Variants in FAM117B observed in about 807,000 individuals in gnomAD.
FAM117B encodes protein FAM117B.
A neutral mutation model predicts 52.8 loss-of-function variants in FAM117B; 22 were observed. The observed-to-expected ratio is 0.42, with a 90% CI of 0.30 to 0.59. The LOEUF (loss-of-function observed/expected upper bound fraction) is 0.59. FAM117B is among the 20% of genes least tolerant of loss of function. The pLI is 0.22. For synonymous variants in FAM117B, 309 were observed against 324.1 expected (o/e 0.95, Z 0.50); for missense variants, 678 against 802.6 (o/e 0.84, Z 1.88).
intron 1 of FAM117B, among the ~76,000 whole-genome samples, chr2:202,647,994 G>T (rs1574540059): frequency 1.3e-5 from 2 of 152,114 alleles, no homozygotes; most frequent in East Asian, 3.9e-4. Flanking sequence ...CTCTGTAATT[G>T]TATGGTTTAA....
chr2:202,750,485 C>G (rs1691705544), intron 4 of FAM117B, among the ~76,000 whole-genome samples: 1 of 152,172 alleles, frequency 6.6e-6, no homozygotes, highest in South Asian at 2.1e-4. Flanking sequence ...TGCACTCCAG[C>G]CTGGGCAACA....
At chr2:202,720,153 A>G (rs1374193421) in intron 2 of FAM117B, among the ~76,000 whole-genome samples, 2 of 152,152 alleles carry the variant, frequency 1.3e-5, no homozygotes, top group Admixed American at 6.5e-5. Flanking sequence ...AGTTATTACT[A>G]TAATAGTTCC....
rs1689748385 is a variant in FAM117B, at chr2:202,640,292, C to CT, written c.601+4504_601+4505insT. Among the ~76,000 whole-genome samples the CT allele has an allele frequency of 9.9e-5, 5 of 50,706 alleles. No homozygotes were observed. The Admixed American group carries it at 1.1e-3, about 11-fold the overall frequency. The allele number at this position is 50,706 out of a possible 152,430, so 33.3% of individuals were successfully genotyped here. On this transcript the variant is annotated intron_variant, in intron 1 of 7. Coordinates refer to ENST00000392238, the MANE Select transcript of FAM117B (RefSeq NM_173511.4). ...GTCACAACAACCACCACCACCACCA[C>CT]AAAATATATATATATATATATATAT...
intron 2 of FAM117B, among the ~76,000 whole-genome samples, chr2:202,724,031 T>G (rs1691195448): frequency 6.6e-6 from 1 of 150,828 alleles, no homozygotes; most frequent in Admixed American, 6.6e-5. Context: ...CTGGGTTTGG[T>G]ATAACTACTT....
chr2:202,640,148 A>G (rs1186203927), intron 1 of FAM117B, among the ~76,000 whole-genome samples: 4 of 150,910 alleles, frequency 2.7e-5, no homozygotes, highest in East Asian at 2.0e-4. Context: ...GCAGGCGCCT[A>G]TAATCCCAGC....
chr2:202,715,798 C>T (rs1048987578), intron 2 of FAM117B, among the ~76,000 whole-genome samples: 1 of 152,244 alleles, frequency 6.6e-6, no homozygotes, highest in African/African-American at 2.4e-5. Context: ...CACCATTGAG[C>T]ACTGAGTGAA....
intron 2 of FAM117B, among the ~76,000 whole-genome samples, chr2:202,699,426 C>CAAAAAAAAAAAAAAAAAAAAAAAAAA (rs751190825): frequency 1.1e-4 from 2 of 17,912 alleles, no homozygotes; most frequent in Non-Finnish European, 2.2e-4. Flanking sequence ...GACCCCATCT[C>CAAAAAAAAAAAAAAAAAAAAAAAAAA]AAAAAAAAAA....
intron 1 of FAM117B, among the ~76,000 whole-genome samples, chr2:202,680,780 T>TTTTA (rs1404363910): frequency 6.6e-6 from 1 of 152,168 alleles, no homozygotes; most frequent in Non-Finnish European, 1.5e-5. Flanking sequence ...TATAAAGGCT[T>TTTTA]TTTATACATA....
chr2:202,737,389 G>A (rs969988663), intron 4 of FAM117B, among the ~76,000 whole-genome samples: 2 of 151,936 alleles, frequency 1.3e-5, no homozygotes, highest in African/African-American at 4.8e-5. Context: ...CTATAGTCAA[G>A]ATAAAACATT....
intron 1 of FAM117B, 144 bp downstream of exon 1, chr2:202,635,932 G>A: frequency 2.0e-6 from 2 of 1,017,064 alleles, no homozygotes; most frequent in Non-Finnish European, 2.5e-6. Context: ...GGGCGGTGGG[G>A]GACCCGGCAG....
At chr2:202,749,125 A>G (rs180958783) in intron 4 of FAM117B, among the ~76,000 whole-genome samples, 4 of 152,290 alleles carry the variant, frequency 2.6e-5, no homozygotes, top group Admixed American at 6.5e-5. Flanking sequence ...TGTGAGGAGT[A>G]AAAATATTTT....
chr2:202,661,087 A>G (rs1010485336), intron 1 of FAM117B, among the ~76,000 whole-genome samples: 3 of 152,204 alleles, frequency 2.0e-5, no homozygotes, highest in African/African-American at 7.2e-5. Flanking sequence ...CTAATCCAGG[A>G]CATATGGGAG....
intron 1 of FAM117B, among the ~76,000 whole-genome samples, chr2:202,662,240 G>C (rs910190306): frequency 6.6e-6 from 1 of 151,958 alleles, no homozygotes; most frequent in Non-Finnish European, 1.5e-5. Context: ...TGGCAGCATG[G>C]GTGAATCTGG....
chr2:202,726,489 C>T (rs2105787713), intron 4 of FAM117B, 126 bp downstream of exon 4: 1 of 653,902 alleles, frequency 1.5e-6, no homozygotes. Context: ...GATTTAAATA[C>T]TGAATCACAG....
intron 1 of FAM117B, among the ~76,000 whole-genome samples, chr2:202,694,037 G>C (rs941223160): frequency 6.6e-6 from 1 of 151,930 alleles, no homozygotes; most frequent in African/African-American, 2.4e-5. Flanking sequence ...TATGGGGTAA[G>C]GGTAGTTAGA....
At chr2:202,645,360 C>G (rs976741745) in intron 1 of FAM117B, among the ~76,000 whole-genome samples, 2 of 151,742 alleles carry the variant, frequency 1.3e-5, no homozygotes, top group South Asian at 4.2e-4. Flanking sequence ...GAGATCTCGG[C>G]TCACTGCAGG....
chr2:202,673,415 C>A (rs984059893), intron 1 of FAM117B, among the ~76,000 whole-genome samples: 2 of 134,446 alleles, frequency 1.5e-5, no homozygotes, highest in Non-Finnish European at 3.0e-5. Context: ...GGCTAGCCTA[C>A]CCTATTTTTC....
intron 2 of FAM117B, among the ~76,000 whole-genome samples, chr2:202,723,966 G>A (rs1691194455): frequency 6.7e-6 from 1 of 148,216 alleles, no homozygotes; most frequent in South Asian, 2.2e-4. Context: ...GTTGAGCATA[G>A]TTTCATGTGC....
At chr2:202,731,370 GAGA>G (rs1691346661) in intron 4 of FAM117B, among the ~76,000 whole-genome samples, 7 of 37,502 alleles carry the variant, frequency 1.9e-4, no homozygotes, top group Admixed American at 5.9e-4. Context: ...TATATATATG[GAGA>G]GAGAGAGAAG....
Sources: gnomAD v4.1 joint callset for allele counts (sites outside exome capture counted in the v4.1 genomes callset) on GRCh38, gnomAD v4.1.1 for gene constraint, MANE v1.5 for transcripts, NCBI Gene and HGNC (gene_info 2026-07-23, HGNC 2026-07-21) for gene names.